ZNF256: variants seen among roughly 807,000 people sequenced by gnomAD.
The protein encoded by ZNF256 is bone marrow zinc finger 3.
Under a neutral mutation model 7.9 loss-of-function variants are expected in ZNF256, and 4 were observed. That is an observed-to-expected ratio of 0.50 (90% CI 0.25 to 1.15). ZNF256 has a LOEUF of 1.15. ZNF256 is among the 50% of genes most tolerant of loss of function. The pLI is 0.15. For synonymous variants in ZNF256, 260 were observed against 260.4 expected, an observed-to-expected ratio of 1.00 and a Z score of 0.02; for missense variants, 666 against 755.9, an observed-to-expected ratio of 0.88 and a Z score of 1.39.
chr19:57,946,470 A>C (rs1175642341), intron 1 of ZNF256, among the ~76,000 whole-genome samples: 1 of 151,864 alleles, frequency 6.6e-6, no homozygotes, highest in East Asian at 1.9e-4. Context: ...TCTTCTCTGA[A>C]CCCTCTGTTT....
At chr19:57,944,093 G>A (rs764587595) in intron 1 of ZNF256, 33 bp from the exon 2 acceptor site, 146 of 1,611,618 alleles carry the variant, frequency 9.1e-5, no homozygotes, top group Non-Finnish European at 1.2e-4. Flanking sequence ...AACCACAAAC[G>A]GTTCCTCCTC....
In ZNF256 at chr19:57,941,695, T is replaced by A; in HGVS notation, c.1113A>T (p.Arg371Ser). The A allele has an allele frequency of 6.2e-7, 1 of 1,614,126 alleles. No homozygotes were observed. The highest frequency in any genetic ancestry group is 1.6e-4 in the Middle Eastern group (1 of 6,062). ...IHSSSLITHQRVHTGTRPYMC... is the reference protein window; with the variant it reads ...IHSSSLITHQSVHTGTRPYMC... ...TATAAGGCCTTGTACCAGTGTGAAC[T>A]CTCTGGTGTGTAATAAGGCTAGAAC... Residue 371 changes from arginine (R) to serine (S), a missense_variant, in exon 3 of 3, where the codon AGA becomes AGT. By Grantham distance (110) the Arg-to-Ser change is moderately radical. Transcript: ENST00000282308.
In ZNF256 at chr19:57,941,029, G is replaced by C. The variant is rs753269389; in HGVS notation, c.1779C>G (p.His593Gln). ...SFSQSSNLTN[H>Q]QRIHSGERPY... Reference sequence around the variant, plus strand: ...GCCTTTCCCCACTGTGAATTCGCTGGTGATTAGTGAGGTTAGAGCTCTGGC... The same window carrying C: ...GCCTTTCCCCACTGTGAATTCGCTGCTGATTAGTGAGGTTAGAGCTCTGGC... The change falls in exon 3 of 3, where the codon CAC becomes CAG. Residue 593 changes from histidine (H) to glutamine (Q), a missense_variant. Physicochemically the swap from His to Gln is conservative, Grantham distance 24. Coordinates refer to ENST00000282308, the MANE Select transcript of ZNF256 (RefSeq NM_005773.3). The C allele has an allele frequency of 1.2e-6, 2 of 1,614,126 alleles. No homozygotes were observed. The highest frequency in any genetic ancestry group is 1.7e-6 in the Non-Finnish European group (2 of 1,180,030).
chr19:57,941,470 C>G lies in ZNF256; in HGVS notation c.1338G>C (p.Arg446Ser). ...ECHECGKLFS[R>S]KFDLIVHERV... ...TCTCATGTACAATGAGGTCAAATTT[C>G]CTGCTAAATAATTTTCCACATTCAT... The change falls in exon 3 of 3, where the codon AGG becomes AGC. Residue 446 changes from arginine to serine, a missense_variant. Coordinates refer to ENST00000282308, the MANE Select transcript of ZNF256 (RefSeq NM_005773.3). The G allele has an allele frequency of 6.2e-7, 1 of 1,613,740 alleles. No individual in the cohort carries two copies. Among genetic ancestry groups the G allele is most frequent in the Non-Finnish European group, 8.5e-7 (1 of 1,179,940 alleles).
In ZNF256 at chr19:57,942,454, A is replaced by G. The variant is rs1434332198; in HGVS notation, c.354T>C (p.Tyr118=). ...ATTGTTTCCTACATGCCCCGTCTGT[A>G]TACAGTTTCTGACCATGGTGTGTTC... ...HQGTHHGQKL[Y]TDGACRKQLQ... Residue 118 remains tyrosine (Y), a synonymous_variant, in exon 3 of 3, where the codon TAT becomes TAC. Coordinates refer to ENST00000282308, the MANE Select transcript of ZNF256 (RefSeq NM_005773.3). 1.9e-6 allele frequency: 3 copies of G among 1,614,210 alleles called. No individual in the cohort carries two copies. The East Asian group carries it at 6.7e-5, about 36-fold the overall frequency.
Position 57,942,665 on chromosome 19 carries a change from C to G in ZNF256, c.161-18G>C, listed in dbSNP as rs776893548. ...AGAACCACCTGAAAGAAAGAAAATG[C>G]TGGTGAAGAGCATGCTGACTTTAGT... On this transcript the variant is annotated intron_variant, in intron 2 of 2. Transcript: ENST00000282308. The G allele has an allele frequency of 1.2e-6, 2 of 1,606,862 alleles. No homozygotes were observed. Among genetic ancestry groups the G allele is most frequent in the Admixed American group, 3.4e-5 (2 of 59,372 alleles).
At chr19:57,944,560 C>T (rs563142109) in intron 1 of ZNF256, among the ~76,000 whole-genome samples, 2 of 152,350 alleles carry the variant, frequency 1.3e-5, no homozygotes, top group African/African-American at 4.8e-5. Flanking sequence ...TGCAGTGGCT[C>T]ATGCCTGTAA....
At chr19:57,944,136 A>T in intron 1 of ZNF256, 76 bp from the exon 2 acceptor site, 2 of 1,590,844 alleles carry the variant, frequency 1.3e-6, no homozygotes, top group East Asian at 4.6e-5. Context: ...TCACACATTT[A>T]CCCCATGCTC....
Position 57,941,227 on chromosome 19 carries a change from A to G in ZNF256, c.1581T>C (p.Phe527=), listed in dbSNP as rs756432539. The change falls in exon 3 of 3, where the codon TTT becomes TTC. Residue 527 remains phenylalanine, a synonymous_variant. Coordinates refer to ENST00000282308, the MANE Select transcript of ZNF256 (RefSeq NM_005773.3). ...TAATGAGGCTGGAGCTCTGGCTAAAAAACTTCCCACATTCATTGCACTCAT... is the reference window on the plus strand; with the variant it reads ...TAATGAGGCTGGAGCTCTGGCTAAAGAACTTCCCACATTCATTGCACTCAT... ...RPYECNECGK[F]FSQSSSLIRH... The G allele has an allele frequency of 5.0e-6, 8 of 1,613,086 alleles. No individual in the cohort carries two copies. The highest frequency in any genetic ancestry group is 6.8e-6 in the Non-Finnish European group (8 of 1,179,582).
At position 57,942,156 on chromosome 19, in the gene ZNF256, T is replaced by C. The variant is rs1568560541; in HGVS notation, c.652A>G (p.Lys218Glu). Residue 218 changes from lysine to glutamate, a missense_variant, in exon 3 of 3, where the codon AAA (lysine) becomes GAA (glutamate). Lys to Glu is a moderately conservative substitution (Grantham distance 56). Coordinates refer to ENST00000282308, the MANE Select transcript of ZNF256 (RefSeq NM_005773.3). ...CGTACATGTTTGTAGCTGAAAGCTTTCACACATTCTCCCCAGTTGTAATGA... is the reference window on the plus strand; with the variant it reads ...CGTACATGTTTGTAGCTGAAAGCTTCCACACATTCTCCCCAGTTGTAATGA... The part of the protein sequence containing the change: ...KNHYNWGECV[K>E]AFSYKHVRVQ... The C allele has an allele frequency of 7.4e-6, 12 of 1,614,254 alleles. No homozygotes were observed. Among genetic ancestry groups the C allele is most frequent in the Non-Finnish European group, 1.0e-5 (12 of 1,180,054 alleles).
chr19:57,946,564 C>T (rs1338804072), intron 1 of ZNF256, among the ~76,000 whole-genome samples: 1 of 152,146 alleles, frequency 6.6e-6, no homozygotes. Flanking sequence ...TCCTAAATCA[C>T]GATCCTGGGC....
In ZNF256 at chr19:57,941,652, T is replaced by A; in HGVS notation, c.1156A>T (p.Lys386Ter). The change falls in exon 3 of 3, where the codon AAA (lysine) becomes TAA (stop). Residue 386 changes from lysine to a stop codon, truncating the protein, a stop_gained. Transcript: ENST00000282308. LOFTEE classifies it low-confidence loss of function (END_TRUNC). ...AGGTGACAGCTCTGGCTAAAGGATTTCCCACATTCACTGCACATATAAGGC... is the reference window on the plus strand; with the variant it reads ...AGGTGACAGCTCTGGCTAAAGGATTACCCACATTCACTGCACATATAAGGC... Reference protein sequence around the residue: ...TRPYMCSECGKSFSQSCHLIK... With the variant: ...TRPYMCSECG 6.2e-7 allele frequency: 1 copy of A among 1,614,150 alleles called. No individual in the cohort carries two copies. The highest frequency in any genetic ancestry group is 8.5e-7 in the Non-Finnish European group (1 of 1,180,022).
chr19:57,941,430 C>G lies in ZNF256; in HGVS notation c.1378G>C (p.Glu460Gln). Reference sequence around the variant, plus strand: ...CATTCACTGCACTCATATGGCCTTTCTCCTGTGTGAACTCTCTCATGTACA... The same window carrying G: ...CATTCACTGCACTCATATGGCCTTTGTCCTGTGTGAACTCTCTCATGTACA... ...LIVHERVHTGERPYECSECGK... is the reference protein window; with the variant it reads ...LIVHERVHTGQRPYECSECGK... Residue 460 changes from glutamate to glutamine, a missense_variant, in exon 3 of 3, where the codon GAA becomes CAA. Physicochemically the swap from Glu to Gln is conservative, Grantham distance 29. Coordinates refer to ENST00000282308, the MANE Select transcript of ZNF256 (RefSeq NM_005773.3). The G allele has an allele frequency of 1.2e-6, 2 of 1,613,412 alleles. No individual in the cohort carries two copies. Among genetic ancestry groups the G allele is most frequent in the Non-Finnish European group, 1.7e-6 (2 of 1,179,856 alleles).
intron 1 of ZNF256, among the ~76,000 whole-genome samples, chr19:57,944,482 T>C (rs2072753104): frequency 6.6e-6 from 1 of 152,230 alleles, no homozygotes; most frequent in African/African-American, 2.4e-5. Context: ...CACTACGTCC[T>C]ATACCACAGG....
chr19:57,942,621 C>T lies in ZNF256; in HGVS notation c.187G>A (p.Ala63Thr), dbSNP rs767238861. Residue 63 changes from alanine (A) to threonine (T), a missense_variant, in exon 3 of 3, where the codon GCA (alanine) becomes ACA (threonine). Transcript: ENST00000282308. ...LGGSGAGDEEAPYQQSTSPQR... is the reference protein window; with the variant it reads ...LGGSGAGDEETPYQQSTSPQR... ...GGAGAAGTGCTCTGCTGATAAGGTG[C>T]CTCCTCATCCCCTGCTCCAGAACCA... is the stretch of plus-strand genomic sequence containing the variant. The T allele has an allele frequency of 1.4e-5, 23 of 1,613,624 alleles. No individual in the cohort carries two copies. The African/African-American group carries it at 2.3e-4, about 16-fold the overall frequency.
chr19:57,947,414 G>A (rs2072774860), intron 1 of ZNF256, 28 bp downstream of exon 1: 5 of 1,248,562 alleles, frequency 4.0e-6, no homozygotes, highest in South Asian at 4.1e-5. Flanking sequence ...GGGGAGGGCG[G>A]GGAAGGCCCA....
intron 2 of ZNF256, 32 bp from the exon 3 acceptor site, chr19:57,942,679 G>A: frequency 6.3e-7 from 1 of 1,598,846 alleles, no homozygotes. Flanking sequence ...TGAAGAGCAT[G>A]CTGACTTTAG....
intron 1 of ZNF256, 99 bp downstream of exon 1, chr19:57,947,343 G>C (rs2161616): frequency 8.6e-7 from 1 of 1,157,248 alleles, no homozygotes; most frequent in African/African-American, 1.6e-5. Flanking sequence ...GCGAGCCCCC[G>C]TGTCCTGTCC....
chr19:57,943,420 C>T (rs1358362252), intron 2 of ZNF256, among the ~76,000 whole-genome samples: 2 of 152,098 alleles, frequency 1.3e-5, no homozygotes, highest in East Asian at 1.9e-4. Flanking sequence ...ATCAAGAACA[C>T]GGAACTTGGA....
Sources: gnomAD v4.1 joint callset for allele counts (sites outside exome capture counted in the v4.1 genomes callset) on GRCh38, gnomAD v4.1.1 for gene constraint, MANE v1.5 for transcripts, NCBI Gene and HGNC (gene_info 2026-07-23, HGNC 2026-07-21) for gene names.